AGBL4: variants seen among roughly 807,000 people sequenced by gnomAD.
AGBL4 encodes AGBL carboxypeptidase 4.
AGBL4 carries 58 observed loss-of-function variants against 66.4 expected under a neutral mutation model. That is an observed-to-expected ratio of 0.87 (90% CI 0.71 to 1.09). AGBL4 has a LOEUF of 1.09. Among genes scored for constraint, AGBL4 ranks in the 50% least tolerant of loss-of-function variants. AGBL4 has a pLI of 0.00. For missense variants in AGBL4, 579 were observed against 631.0 expected, an observed-to-expected ratio of 0.92 and a Z score of 0.88; for synonymous variants, 234 against 222.9, an observed-to-expected ratio of 1.05 and a Z score of -0.44.
intron 1 of AGBL4, among the ~76,000 whole-genome samples, chr1:49,874,514 G>A (rs373139156): frequency 6.6e-6 from 1 of 152,014 alleles, no homozygotes; most frequent in African/African-American, 2.4e-5. Context: ...ATAATCCATT[G>A]TAATGTCATA....
At chr1:49,403,922 T>A (rs1645141441) in intron 3 of AGBL4, among the ~76,000 whole-genome samples, 1 of 152,160 alleles carries the variant, frequency 6.6e-6, no homozygotes, top group African/African-American at 2.4e-5. Context: ...TTCTGATAGA[T>A]CTTTCAGATA....
intron 5 of AGBL4, among the ~76,000 whole-genome samples, chr1:48,980,815 T>C: frequency 7.0e-6 from 1 of 143,282 alleles, no homozygotes; most frequent in Non-Finnish European, 1.5e-5. Context: ...CTGCTTCAAC[T>C]AACCACTCTA....
At chr1:49,152,233 G>A (rs1035096846) in intron 4 of AGBL4, among the ~76,000 whole-genome samples, 11 of 152,118 alleles carry the variant, frequency 7.2e-5, no homozygotes, top group African/African-American at 2.4e-4. Flanking sequence ...TGAGCACTGA[G>A]CCACACAAAC....
intron 4 of AGBL4, among the ~76,000 whole-genome samples, chr1:49,152,915 A>C (rs1646365362): frequency 6.6e-6 from 1 of 152,172 alleles, no homozygotes; most frequent in Non-Finnish European, 1.5e-5. Flanking sequence ...GGGAGCTTTT[A>C]TCTTCCGAGA....
intron 2 of AGBL4, among the ~76,000 whole-genome samples, chr1:49,717,032 C>T (rs1291853454): frequency 2.6e-5 from 4 of 152,046 alleles, no homozygotes; most frequent in Admixed American, 6.6e-5. Flanking sequence ...AAAACCCCAT[C>T]GTCTCAGCCC....
chr1:49,312,146 A>C (rs912092579), intron 3 of AGBL4, among the ~76,000 whole-genome samples: 1 of 152,100 alleles, frequency 6.6e-6, no homozygotes, highest in Admixed American at 6.6e-5. Flanking sequence ...CCAATACCAC[A>C]GTATTAAGAG....
intron 4 of AGBL4, among the ~76,000 whole-genome samples, chr1:49,241,209 T>G (rs2148320182): frequency 6.6e-6 from 1 of 152,244 alleles, no homozygotes; most frequent in Middle Eastern, 3.4e-3. Context: ...ACTGCCAATC[T>G]GATCATGTCC....
intron 4 of AGBL4, among the ~76,000 whole-genome samples, chr1:49,171,535 G>C (rs1239004178): frequency 6.6e-6 from 1 of 152,000 alleles, no homozygotes; most frequent in Non-Finnish European, 1.5e-5. Context: ...CCCTGGAAAC[G>C]AGTGATGTAG....
intron 2 of AGBL4, among the ~76,000 whole-genome samples, chr1:49,776,146 T>G (rs1216105895): frequency 1.3e-5 from 2 of 152,040 alleles, no homozygotes; most frequent in East Asian, 3.9e-4. Context: ...GGTGGAAGCT[T>G]AGAAAAAATG....
At chr1:49,910,666 A>G (rs1425374715) in intron 1 of AGBL4, among the ~76,000 whole-genome samples, 2 of 151,938 alleles carry the variant, frequency 1.3e-5, no homozygotes, top group Non-Finnish European at 2.9e-5. Context: ...ATAAAAAAAA[A>G]AAGAAAAAGA....
intron 1 of AGBL4, among the ~76,000 whole-genome samples, chr1:49,891,422 A>C (rs1159109073): frequency 6.6e-6 from 1 of 152,174 alleles, no homozygotes; most frequent in Non-Finnish European, 1.5e-5. Context: ...AGACATTTTC[A>C]TTTGTCACAA....
chr1:49,676,410 C>T (rs1242196350), intron 3 of AGBL4, among the ~76,000 whole-genome samples: 2 of 151,954 alleles, frequency 1.3e-5, no homozygotes, highest in African/African-American at 4.8e-5. Context: ...ATTTAGTCTT[C>T]AACAAAATCT....
intron 2 of AGBL4, among the ~76,000 whole-genome samples, chr1:49,738,769 T>A (rs1028713897): frequency 1.3e-5 from 2 of 152,142 alleles, no homozygotes; most frequent in African/African-American, 4.8e-5. Flanking sequence ...TTCTGCAGCC[T>A]CTGCTGCTCA....
intron 3 of AGBL4, among the ~76,000 whole-genome samples, chr1:49,376,656 A>G (rs1397271459): frequency 6.6e-6 from 1 of 152,030 alleles, no homozygotes; most frequent in Non-Finnish European, 1.5e-5. Flanking sequence ...TTGGTATGAT[A>G]TATGTCTTCT....
intron 6 of AGBL4, among the ~76,000 whole-genome samples, chr1:48,821,882 T>A (rs1570752103): frequency 6.6e-6 from 1 of 152,136 alleles, no homozygotes; most frequent in East Asian, 1.9e-4. Flanking sequence ...AAAGAGACGA[T>A]CCAATTTTGG....
At chr1:49,721,428 C>T (rs956249569) in intron 2 of AGBL4, among the ~76,000 whole-genome samples, 8 of 151,846 alleles carry the variant, frequency 5.3e-5, no homozygotes, top group East Asian at 3.9e-4. Flanking sequence ...ACAAACCCAC[C>T]GGCAGGAACC....
At chr1:49,332,405 C>T (rs1399328442) in intron 3 of AGBL4, among the ~76,000 whole-genome samples, 1 of 152,126 alleles carries the variant, frequency 6.6e-6, no homozygotes, top group Non-Finnish European at 1.5e-5. Context: ...TGAGTTATAA[C>T]CAATTTTCAA....
intron 2 of AGBL4, among the ~76,000 whole-genome samples, chr1:49,766,500 A>AT (rs1652741216): frequency 6.6e-6 from 1 of 152,136 alleles, no homozygotes; most frequent in African/African-American, 2.4e-5. Context: ...ATAGCTAACA[A>AT]CCCCTATAAA....
intron 3 of AGBL4, among the ~76,000 whole-genome samples, chr1:49,365,414 A>C (rs1644224596): frequency 6.6e-6 from 1 of 151,928 alleles, no homozygotes; most frequent in African/African-American, 2.4e-5. Flanking sequence ...TCAATGAGAA[A>C]ACGTCTATAA....
Sources: allele counts gnomAD v4.1 joint callset (sites outside exome capture counted in the v4.1 genomes callset), GRCh38; gene constraint gnomAD v4.1.1; transcripts MANE v1.5; gene names NCBI Gene and HGNC (gene_info 2026-07-23, HGNC 2026-07-21).